PCDH15: variants seen among roughly 807,000 people sequenced by gnomAD.
The protein encoded by PCDH15 is protocadherin-15.
In PCDH15, 129 loss-of-function variants were observed where a neutral mutation model predicts 178.5. The ratio of observed to expected loss-of-function variants is 0.72; its 90% CI spans 0.63 to 0.84. The LOEUF is 0.84. Ranked by LOEUF, PCDH15 falls within the 40% of genes least tolerant of loss-of-function variation. The pLI is 0.00. For missense variants in PCDH15, 2,230 were observed against 2,099.9 expected, an observed-to-expected ratio of 1.06 and a Z score of -1.21; for synonymous variants, 800 against 732.0, an observed-to-expected ratio of 1.09 and a Z score of -1.50.
intron 2 of PCDH15, among the ~76,000 whole-genome samples, chr10:54,653,341 A>G (rs2135237750): frequency 6.6e-6 from 1 of 152,316 alleles, no homozygotes; most frequent in East Asian, 1.9e-4. Flanking sequence ...TGTTATAGAC[A>G]AGGAAATTTA....
chr10:54,641,973 C>A (rs1761965021), intron 2 of PCDH15, among the ~76,000 whole-genome samples: 1 of 152,126 alleles, frequency 6.6e-6, no homozygotes, highest in African/African-American at 2.4e-5. Flanking sequence ...TCAGTTTCAT[C>A]AGCATTTGAT....
chr10:54,495,927 C>G (rs186588977), intron 3 of PCDH15, among the ~76,000 whole-genome samples: 49 of 152,238 alleles, frequency 3.2e-4, no homozygotes, highest in Admixed American at 2.0e-3. Context: ...TCCTCTATTA[C>G]TTTAAAATCA....
At chr10:54,939,386 T>G (rs1472658144) in intron 2 of PCDH15, among the ~76,000 whole-genome samples, 1 of 148,440 alleles carries the variant, frequency 6.7e-6, no homozygotes, top group Admixed American at 6.9e-5. Context: ...TCCCAGCTAC[T>G]CGGGAGGCTG....
intron 2 of PCDH15, among the ~76,000 whole-genome samples, chr10:55,555,517 AT>A (rs1842073380): frequency 6.6e-6 from 1 of 152,120 alleles, no homozygotes; most frequent in South Asian, 2.1e-4. Flanking sequence ...TTCCTCCTGG[AT>A]AAATGTTTTA....
rs559687789 is a variant in PCDH15, at chr10:55,015,767, G to A, written c.-79-118267C>T. Among the ~76,000 whole-genome samples, 15 of 152,182 alleles carry A rather than the reference G, an allele frequency of 9.9e-5. 1 individual carries two copies. The East Asian group carries it at 1.4e-3, about 14-fold the overall frequency. On this transcript the variant is annotated intron_variant, in intron 2 of 5. Transcript: ENST00000458638. ...GTTCTGATTGTCCTGCAGCAGATGC[G>A]CTAGGTGCCTTGTTTTATGTCCCCT...
intron 3 of PCDH15, among the ~76,000 whole-genome samples, chr10:54,518,472 A>G (rs2082465779): frequency 6.6e-6 from 1 of 152,220 alleles, no homozygotes. Context: ...AGAAATGGAT[A>G]AATTCCTCAA....
chr10:53,918,707 TACACAAACACACACACACACACACAC>T (rs1220070152), intron 25 of PCDH15, among the ~76,000 whole-genome samples: 1 of 124,120 alleles, frequency 8.1e-6, no homozygotes, highest in African/African-American at 3.1e-5. Context: ...TTAATGCAAA[TACACAAACACACACACACACACACAC>T]ACACACACAC....
intron 25 of PCDH15, among the ~76,000 whole-genome samples, chr10:53,926,629 A>G (rs1215338237): frequency 6.6e-6 from 1 of 152,176 alleles, no homozygotes; most frequent in African/African-American, 2.4e-5. Flanking sequence ...AGAATTTTAA[A>G]TTTATACAAC....
chr10:54,911,286 C>G (rs893750240), intron 2 of PCDH15, among the ~76,000 whole-genome samples: 3 of 152,110 alleles, frequency 2.0e-5, no homozygotes, highest in Non-Finnish European at 4.4e-5. Context: ...TTTAACAAAT[C>G]TAAACCTCCA....
intron 5 of PCDH15, among the ~76,000 whole-genome samples, chr10:54,368,758 A>G (rs1947183569): frequency 2.0e-5 from 3 of 152,024 alleles, no homozygotes; most frequent in African/African-American, 7.2e-5. Flanking sequence ...TTTAATTAGT[A>G]TGACCACCTC....
chr10:54,663,623 A>C lies in PCDH15; in HGVS notation c.91+549T>G, dbSNP rs368603152. ...AAATGACTGACTTACTGTTAGGGGA[A>C]AGCTTAAGAAATCAAATACCAAATC... On this transcript the variant is annotated intron_variant, in intron 2 of 37. Transcript: ENST00000644397. Among the ~76,000 whole-genome samples the C allele has an allele frequency of 3.5e-4, 53 of 151,206 alleles. No individual in the cohort carries two copies. The East Asian group carries it at 6.4e-3, about 18-fold the overall frequency.
intron 4 of PCDH15, among the ~76,000 whole-genome samples, chr10:54,375,334 A>C (rs919883084): frequency 1.3e-5 from 2 of 152,150 alleles, no homozygotes; most frequent in Admixed American, 6.6e-5. Flanking sequence ...AAGTGTATAA[A>C]GGAATCTGCT....
At chr10:53,879,881 G>A (rs965858955) in intron 26 of PCDH15, among the ~76,000 whole-genome samples, 4 of 152,106 alleles carry the variant, frequency 2.6e-5, no homozygotes, top group African/African-American at 9.7e-5. Flanking sequence ...TTAACTCCTG[G>A]CCTCATGTGT....
At chr10:53,892,678 T>C (rs773475658) in intron 26 of PCDH15, among the ~76,000 whole-genome samples, 1 of 152,146 alleles carries the variant, frequency 6.6e-6, no homozygotes, top group Non-Finnish European at 1.5e-5. Context: ...ATGCTATGTA[T>C]CAGCAACTGG....
At chr10:55,135,899 C>T (rs1838183109) in intron 2 of PCDH15, among the ~76,000 whole-genome samples, 2 of 151,966 alleles carry the variant, frequency 1.3e-5, no homozygotes, top group South Asian at 4.1e-4. Context: ...CTTTTTCATA[C>T]CTTCTTGTTG....
intron 3 of PCDH15, among the ~76,000 whole-genome samples, chr10:54,381,696 A>T (rs10733927): frequency 0.87 from 132,444 of 151,984 alleles, 57,815 homozygotes; most frequent in East Asian, 0.99. Context: ...GATCAACAGG[A>T]ATAATCCTGA....
chr10:54,744,116 A>G (rs1945167192), intron 1 of PCDH15, among the ~76,000 whole-genome samples: 1 of 152,110 alleles, frequency 6.6e-6, no homozygotes, highest in Non-Finnish European at 1.5e-5. Context: ...TGCTTTATGG[A>G]TAACATCCAT....
chr10:53,926,895 T>A (rs957859704), intron 25 of PCDH15, among the ~76,000 whole-genome samples: 2 of 152,208 alleles, frequency 1.3e-5, no homozygotes, highest in African/African-American at 4.8e-5. Flanking sequence ...AGAAACTTCT[T>A]TAAAGCGCTA....
intron 1 of PCDH15, among the ~76,000 whole-genome samples, chr10:54,713,531 C>T (rs868424314): frequency 1.1e-4 from 17 of 151,944 alleles, no homozygotes; most frequent in African/African-American, 1.7e-4. Context: ...AAATAAATTC[C>T]GAATTGATTA....
Sources: allele counts gnomAD v4.1 joint callset (sites outside exome capture counted in the v4.1 genomes callset), GRCh38; gene constraint gnomAD v4.1.1; transcripts MANE v1.5; gene names NCBI Gene and HGNC (gene_info 2026-07-23, HGNC 2026-07-21).